Variants in RERG observed in about 807,000 individuals in gnomAD.
The protein encoded by RERG is RAS like estrogen regulated growth inhibitor, also known as ras-related and estrogen-regulated growth inhibitor.
In RERG, 25 loss-of-function variants were observed where a neutral mutation model predicts 23.2. The observed-to-expected ratio is 1.08, with a 90% confidence interval of 0.79 to 1.50. The LOEUF is 1.50. Ranked by LOEUF, RERG falls within the 40% of genes most tolerant of loss-of-function variation. The pLI is 0.00. For synonymous variants in RERG, 81 were observed against 89.1 expected (o/e 0.91, Z 0.51); for missense variants, 253 against 250.1 (o/e 1.01, Z -0.08).
At chr12:15,163,250 A>G (rs1864639724) in intron 2 of RERG, among the ~76,000 whole-genome samples, 2 of 152,204 alleles carry the variant, frequency 1.3e-5, no homozygotes, top group Non-Finnish European at 2.9e-5. Context: ...TGGATGACTC[A>G]GGGAGCAGGG....
intron 2 of RERG, among the ~76,000 whole-genome samples, chr12:15,135,273 T>A (rs977420706): frequency 3.3e-5 from 5 of 152,214 alleles, no homozygotes; most frequent in African/African-American, 1.2e-4. Flanking sequence ...TATCCTGTAA[T>A]CTTTCCGTAA....
intron 2 of RERG, among the ~76,000 whole-genome samples, chr12:15,142,984 T>C (rs1435705757): frequency 6.6e-6 from 1 of 152,164 alleles, no homozygotes; most frequent in Non-Finnish European, 1.5e-5. Context: ...GGAGTACATT[T>C]GGAGACAAAA....
intron 2 of RERG, among the ~76,000 whole-genome samples, chr12:15,215,643 A>G (rs998730561): frequency 2.6e-5 from 4 of 152,234 alleles, no homozygotes; most frequent in Admixed American, 6.5e-5. Context: ...TTAAAAAAAG[A>G]TAAGACAGTA....
intron 1 of RERG, among the ~76,000 whole-genome samples, chr12:15,220,311 T>TA (rs990761997): frequency 3.9e-5 from 6 of 152,162 alleles, no homozygotes; most frequent in African/African-American, 1.4e-4. Context: ...ACTCTAAAGG[T>TA]AAAATCATAC....
chr12:15,137,816 A>T (rs1212356302), intron 2 of RERG: 1 of 431,946 alleles, frequency 2.3e-6, no homozygotes, highest in South Asian at 1.7e-5. Flanking sequence ...GAAAAATTAA[A>T]GTTTTAATTT....
rs564233536 is a variant in RERG at position 15,183,149 on chromosome 12, G to A, written c.61+34280C>T. Among the ~76,000 whole-genome samples the A allele has an allele frequency of 3.3e-5, 5 of 151,976 alleles. No homozygotes were observed. The East Asian group carries it at 9.7e-4, about 29-fold the overall frequency. ...TTCTATGCAAATATTATAAAAAGTT[G>A]GAGTAGAAAATATGGGGATGTAAGA... On this transcript the variant is annotated intron_variant, in intron 2 of 4. Coordinates refer to ENST00000256953, the MANE Select transcript of RERG (RefSeq NM_032918.3).
chr12:15,145,076 G>T (rs1345724949), intron 2 of RERG, among the ~76,000 whole-genome samples: 1 of 152,176 alleles, frequency 6.6e-6, no homozygotes, highest in South Asian at 2.1e-4. Flanking sequence ...GATGCAAAGA[G>T]AAATCACAGA....
intron 2 of RERG, among the ~76,000 whole-genome samples, chr12:15,188,671 T>C (rs1865026479): frequency 6.6e-6 from 1 of 152,238 alleles, no homozygotes; most frequent in African/African-American, 2.4e-5. Context: ...GGACATGATG[T>C]GTGCTTATAC....
chr12:15,120,646 GAGA>G (rs1863814641), intron 3 of RERG, among the ~76,000 whole-genome samples: 1 of 152,146 alleles, frequency 6.6e-6, no homozygotes, highest in Admixed American at 6.5e-5. Flanking sequence ...GAAGAAAAGA[GAGA>G]AACATATTTT....
intron 2 of RERG, among the ~76,000 whole-genome samples, chr12:15,158,292 T>G (rs1002034260): frequency 1.3e-5 from 2 of 150,760 alleles, no homozygotes; most frequent in Admixed American, 1.3e-4. Context: ...TGTTTTTTTG[T>G]TTTTTTTTAG....
chr12:15,183,230 T>C (rs530153486), intron 2 of RERG, among the ~76,000 whole-genome samples: 1 of 152,312 alleles, frequency 6.6e-6, no homozygotes, highest in South Asian at 2.1e-4. Flanking sequence ...TATATTGTCT[T>C]TAATGGTTTA....
At position 15,142,707 on chromosome 12, in the gene RERG, G is replaced by T. The variant is rs140444623; in HGVS notation, c.62-21588C>A. On this transcript the variant is annotated intron_variant, in intron 2 of 4. Coordinates refer to ENST00000256953, the MANE Select transcript of RERG (RefSeq NM_032918.3). ...GTCTCAAGAAAGAGAAGAGAGAGGG[G>T]GGGTAGGAGAGAAGAAATAAAAATG... Among the ~76,000 whole-genome samples the T allele has an allele frequency of 8.1e-4, 123 of 152,140 alleles. 1 individual carries two copies. Among genetic ancestry groups the T allele is most frequent in the Middle Eastern group, 6.8e-3 (2 of 292 alleles).
chr12:15,197,458 T>TGAGTTCAGGTACCAGC (rs1320058499), intron 2 of RERG, among the ~76,000 whole-genome samples: 1 of 152,136 alleles, frequency 6.6e-6, no homozygotes, highest in African/African-American at 2.4e-5. Context: ...TGAGCACATA[T>TGAGTTCAGGTACCAGC]GAGTTCAGGT....
intron 2 of RERG, among the ~76,000 whole-genome samples, chr12:15,214,033 T>A (rs111338379): frequency 1.0e-5 from 1 of 95,822 alleles, no homozygotes; most frequent in African/African-American, 5.5e-5. Context: ...TGTGTGTGTG[T>A]GTGTGCGCGT....
At chr12:15,214,781 T>A (rs7980227) in intron 2 of RERG, among the ~76,000 whole-genome samples, 54,905 of 151,940 alleles carry the variant, frequency 0.36, 10,499 homozygotes, top group African/African-American at 0.5. Flanking sequence ...CAGGAGTTGG[T>A]GGCTGCAGTG....
At chr12:15,191,340 G>A (rs139818173) in intron 2 of RERG, among the ~76,000 whole-genome samples, 11 of 152,232 alleles carry the variant, frequency 7.2e-5, no homozygotes, top group East Asian at 5.8e-4. Context: ...ATTAGCTTTT[G>A]TTAATTATGC....
intron 2 of RERG, among the ~76,000 whole-genome samples, chr12:15,165,440 A>C (rs1009883335): frequency 6.6e-6 from 1 of 152,228 alleles, no homozygotes; most frequent in Non-Finnish European, 1.5e-5. Flanking sequence ...TACTTCCAGA[A>C]AATATACACT....
intron 2 of RERG, among the ~76,000 whole-genome samples, chr12:15,157,003 CA>C (rs1200518086): frequency 6.6e-6 from 1 of 152,246 alleles, no homozygotes; most frequent in East Asian, 1.9e-4. Flanking sequence ...GCCCCTCTTG[CA>C]AAATGGGAAA....
At chr12:15,181,121 C>G (rs1591660638) in intron 2 of RERG, among the ~76,000 whole-genome samples, 1 of 152,230 alleles carries the variant, frequency 6.6e-6, no homozygotes, top group East Asian at 1.9e-4. Context: ...CGCTGAGACT[C>G]TAGTAAGCAC....
Sources: gnomAD v4.1 joint callset for allele counts (sites outside exome capture counted in the v4.1 genomes callset) on GRCh38, gnomAD v4.1.1 for gene constraint, MANE v1.5 for transcripts, NCBI Gene and HGNC (gene_info 2026-07-23, HGNC 2026-07-21) for gene names.